The following FRMD4A variants were observed in gnomAD, a reference collection of about 807,000 sequenced individuals.
FRMD4A encodes FERM domain containing 4A.
In FRMD4A, 29 loss-of-function variants were observed where a neutral mutation model predicts 129.1. The observed-to-expected ratio is 0.22, with a 90% CI of 0.17 to 0.31. The LOEUF (loss-of-function observed/expected upper bound fraction) is 0.31. Among genes scored for constraint, FRMD4A ranks in the 10% least tolerant of loss-of-function variants. FRMD4A has a pLI of 1.00. For missense variants in FRMD4A, 1,272 were observed against 1,375.8 expected, an observed-to-expected ratio of 0.92 and a Z score of 1.19; for synonymous variants, 634 against 571.6, an observed-to-expected ratio of 1.11 and a Z score of -1.56.
At chr10:14,077,260 T>C (rs1257638146) in intron 2 of FRMD4A, among the ~76,000 whole-genome samples, 1 of 152,174 alleles carries the variant, frequency 6.6e-6, no homozygotes, top group Non-Finnish European at 1.5e-5. Flanking sequence ...TCCTCAAACT[T>C]CTGGTTCTAT....
At chr10:13,958,486 T>C (rs1214777997) in intron 2 of FRMD4A, among the ~76,000 whole-genome samples, 2 of 152,018 alleles carry the variant, frequency 1.3e-5, no homozygotes, top group Non-Finnish European at 2.9e-5. Context: ...GGTTTCACCG[T>C]GTTAGCCAGG....
intron 2 of FRMD4A, among the ~76,000 whole-genome samples, chr10:14,295,220 G>A (rs1845972167): frequency 6.6e-6 from 1 of 152,086 alleles, no homozygotes; most frequent in Non-Finnish European, 1.5e-5. Context: ...AGGTACATGG[G>A]AAAGCCACCT....
chr10:13,972,069 C>A, intron 2 of FRMD4A: 1 of 1,134,928 alleles, frequency 8.8e-7, no homozygotes, highest in South Asian at 2.1e-5. Flanking sequence ...TGGGGACTCA[C>A]CAGGGACAAG....
intron 3 of FRMD4A, among the ~76,000 whole-genome samples, chr10:13,846,872 C>T (rs570010033): frequency 7.3e-4 from 111 of 152,158 alleles, no homozygotes; most frequent in African/African-American, 2.5e-3. Context: ...ATAGGACAAA[C>T]GGGGATGGCC....
chr10:13,865,473 C>A (rs1254739022), intron 2 of FRMD4A, among the ~76,000 whole-genome samples: 1 of 67,564 alleles, frequency 1.5e-5, no homozygotes, highest in Non-Finnish European at 4.1e-5. Context: ...TTTTTATAGA[C>A]AGGGTTTTGC....
chr10:14,127,978 C>CT (rs747654399), intron 2 of FRMD4A, among the ~76,000 whole-genome samples: 610 of 47,782 alleles, frequency 0.013, 44 homozygotes, highest in Middle Eastern at 0.06. Flanking sequence ...TTCTTTCTTT[C>CT]CTTCTCTCTC....
At chr10:13,972,196 C>T (rs1055601483) in intron 2 of FRMD4A, 5 of 1,018,490 alleles carry the variant, frequency 4.9e-6, no homozygotes, top group Non-Finnish European at 4.7e-6. Context: ...AGAAGCACCA[C>T]CGAGTGTTGG....
intron 2 of FRMD4A, among the ~76,000 whole-genome samples, chr10:13,938,516 T>C (rs1009446679): frequency 2.6e-5 from 4 of 152,216 alleles, no homozygotes; most frequent in Admixed American, 2.0e-4. Context: ...GTGCTAGGAT[T>C]GTAGGCATGA....
chr10:14,250,492 G>C (rs1844400250), intron 2 of FRMD4A, among the ~76,000 whole-genome samples: 1 of 152,176 alleles, frequency 6.6e-6, no homozygotes, highest in Non-Finnish European at 1.5e-5. Flanking sequence ...CTGTAATCCT[G>C]GGATGTTATC....
chr10:13,696,338 C>T (rs1271482235), intron 14 of FRMD4A, among the ~76,000 whole-genome samples: 1 of 152,070 alleles, frequency 6.6e-6, no homozygotes, highest in Non-Finnish European at 1.5e-5. Context: ...GTTATGGAGA[C>T]CCAGGTTTTA....
chr10:13,792,380 A>C (rs893678430), intron 5 of FRMD4A, among the ~76,000 whole-genome samples: 17 of 152,062 alleles, frequency 1.1e-4, no homozygotes, highest in Non-Finnish European at 1.5e-5. Context: ...CACTGAAGGG[A>C]TACACAGGAT....
intron 2 of FRMD4A, among the ~76,000 whole-genome samples, chr10:14,162,648 T>TTG (rs1840964619): frequency 6.8e-6 from 1 of 147,166 alleles, no homozygotes; most frequent in Admixed American, 6.8e-5. Context: ...TTTGTTTTTT[T>TTG]TTTTTTTTTT....
intron 22 of FRMD4A, chr10:13,654,787 T>G: frequency 4.2e-6 from 2 of 480,592 alleles, no homozygotes; most frequent in Non-Finnish European, 3.6e-6. Context: ...CCTGGGATCC[T>G]AGGTCCCCGC....
chr10:14,103,607 A>G (rs1353412170), intron 2 of FRMD4A, among the ~76,000 whole-genome samples: 2 of 152,208 alleles, frequency 1.3e-5, no homozygotes, highest in Non-Finnish European at 2.9e-5. Context: ...AGTAAGCATT[A>G]GTTTTTTTAT....
At chr10:13,674,868 C>T (rs781399573) in intron 16 of FRMD4A, 43 bp downstream of exon 16, 2 of 1,599,982 alleles carry the variant, frequency 1.3e-6, no homozygotes, top group South Asian at 1.1e-5. Context: ...AGTGACATCA[C>T]AGACAACACC....
intron 2 of FRMD4A, among the ~76,000 whole-genome samples, chr10:13,988,645 C>T (rs2095591185): frequency 1.3e-5 from 2 of 151,938 alleles, no homozygotes; most frequent in South Asian, 2.1e-4. Context: ...TGGATAGATA[C>T]CGATGGATAG....
intron 2 of FRMD4A, among the ~76,000 whole-genome samples, chr10:14,057,118 G>GT (rs1329352213): frequency 6.6e-6 from 1 of 152,190 alleles, no homozygotes; most frequent in Non-Finnish European, 1.5e-5. Flanking sequence ...AGGCCTCAAA[G>GT]GGTTTTGCAA....
intron 8 of FRMD4A, among the ~76,000 whole-genome samples, chr10:13,755,396 CT>C (rs1012373683): frequency 6.6e-6 from 1 of 152,186 alleles, no homozygotes; most frequent in Non-Finnish European, 1.5e-5. Flanking sequence ...AGAAGGCACT[CT>C]TTTTGGGCCA....
chr10:13,916,731 C>G (rs958979002), intron 2 of FRMD4A, among the ~76,000 whole-genome samples: 1 of 152,082 alleles, frequency 6.6e-6, no homozygotes, highest in Non-Finnish European at 1.5e-5. Flanking sequence ...TGTCTCATGC[C>G]GATCATGCTG....
Sources: gnomAD v4.1 joint callset for allele counts (sites outside exome capture counted in the v4.1 genomes callset) on GRCh38, gnomAD v4.1.1 for gene constraint, MANE v1.5 for transcripts, NCBI Gene and HGNC (gene_info 2026-07-23, HGNC 2026-07-21) for gene names.